FBN2: variants seen among roughly 807,000 people sequenced by gnomAD.
FBN2 encodes fibrillin-2.
FBN2 carries 105 observed loss-of-function variants against 355.6 expected under a neutral mutation model. That is an observed-to-expected ratio of 0.30 (90% CI 0.25 to 0.35). The LOEUF is 0.35. Ranked by LOEUF, FBN2 falls within the 10% of genes least tolerant of loss-of-function variation. The pLI, the probability that FBN2 is intolerant of heterozygous loss-of-function variation, is 1.00. For synonymous variants in FBN2, 1,350 were observed against 1,301.2 expected, an observed-to-expected ratio of 1.04 and a Z score of -0.81; for missense variants, 3,280 against 3,758.7, an observed-to-expected ratio of 0.87 and a Z score of 3.33.
chr5:128,385,415 T>C (rs566817580), intron 11 of FBN2, among the ~76,000 whole-genome samples: 1 of 152,316 alleles, frequency 6.6e-6, no homozygotes, highest in East Asian at 1.9e-4. Context: ...CTACATAGTA[T>C]TCCATGGTGT....
chr5:128,391,632 A>T (rs1246787578), intron 11 of FBN2, among the ~76,000 whole-genome samples: 2 of 152,204 alleles, frequency 1.3e-5, no homozygotes, highest in East Asian at 3.8e-4. Context: ...GCCCTGACAT[A>T]TCAGATTTTA....
chr5:128,535,558 C>G (rs754015206), intron 2 of FBN2, among the ~76,000 whole-genome samples: 2 of 152,164 alleles, frequency 1.3e-5, no homozygotes, highest in Non-Finnish European at 2.9e-5. Flanking sequence ...GAAGGCCAGT[C>G]ACACTGCAAG....
At chr5:128,295,469 C>G (rs1749477924) in intron 48 of FBN2, among the ~76,000 whole-genome samples, 1 of 150,420 alleles carries the variant, frequency 6.6e-6, no homozygotes, top group Admixed American at 6.6e-5. Flanking sequence ...TACCCATGAG[C>G]ATGGAATGTT....
chr5:128,336,638 G>C (rs1291400027), intron 27 of FBN2, among the ~76,000 whole-genome samples: 2 of 152,154 alleles, frequency 1.3e-5, no homozygotes, highest in Non-Finnish European at 2.9e-5. Context: ...TGACAATAGG[G>C]CCCTCATGTA....
chr5:128,443,092 C>T (rs1753966413), intron 7 of FBN2, among the ~76,000 whole-genome samples: 1 of 152,180 alleles, frequency 6.6e-6, no homozygotes, highest in Non-Finnish European at 1.5e-5. Context: ...GAAGACATTT[C>T]TTTCTTTTAG....
At chr5:128,433,724 G>A (rs3828662) in intron 7 of FBN2, among the ~76,000 whole-genome samples, 7,244 of 152,202 alleles carry the variant, frequency 0.048, 251 homozygotes, top group South Asian at 0.16. Flanking sequence ...TTCCTCTGCC[G>A]TTCACCAAAA....
chr5:128,348,280 A>AT (rs770596436), intron 23 of FBN2, among the ~76,000 whole-genome samples: 16 of 151,976 alleles, frequency 1.1e-4, no homozygotes, highest in Non-Finnish European at 2.4e-4. Flanking sequence ...ATATTTTGTC[A>AT]TTTTCAAATG....
At chr5:128,313,870 A>AC (rs897078349) in intron 36 of FBN2, among the ~76,000 whole-genome samples, 4 of 151,282 alleles carry the variant, frequency 2.6e-5, no homozygotes, top group Non-Finnish European at 4.4e-5. Context: ...AAAAAAAAAA[A>AC]AAAAAACATA....
At chr5:128,337,120 A>G (rs1750861392) in intron 27 of FBN2, among the ~76,000 whole-genome samples, 1 of 152,180 alleles carries the variant, frequency 6.6e-6, no homozygotes, top group African/African-American at 2.4e-5. Context: ...TTCTGCAATT[A>G]TTAGTGTGAA....
chr5:128,503,452 G>A (rs1755869584), intron 5 of FBN2, among the ~76,000 whole-genome samples: 1 of 152,170 alleles, frequency 6.6e-6, no homozygotes, highest in South Asian at 2.1e-4. Context: ...AAGACAGGAA[G>A]ATGTGGGAAA....
intron 8 of FBN2, among the ~76,000 whole-genome samples, chr5:128,396,453 G>T (rs1752652921): frequency 6.6e-6 from 1 of 152,140 alleles, no homozygotes; most frequent in African/African-American, 2.4e-5. Context: ...GGCAAAATAA[G>T]GTGACCACTC....
chr5:128,324,648 G>A (rs1450711601), intron 34 of FBN2, among the ~76,000 whole-genome samples: 11 of 146,808 alleles, frequency 7.5e-5, no homozygotes, highest in African/African-American at 1.8e-4. Context: ...ATGGAGTCTC[G>A]CTCTGTTGAC....
chr5:128,384,119 G>T (rs1752307703), intron 11 of FBN2, among the ~76,000 whole-genome samples: 1 of 152,028 alleles, frequency 6.6e-6, no homozygotes, highest in South Asian at 2.1e-4. Context: ...AGAAATAAAT[G>T]ATTTTTCCCA....
At chr5:128,372,683 G>T (rs1751973088) in intron 15 of FBN2, among the ~76,000 whole-genome samples, 1 of 152,078 alleles carries the variant, frequency 6.6e-6, no homozygotes, top group Non-Finnish European at 1.5e-5. Context: ...GCAGACACAG[G>T]ATTTCACCAT....
At chr5:128,438,634 G>T (rs1318925763) in intron 7 of FBN2, among the ~76,000 whole-genome samples, 1 of 152,102 alleles carries the variant, frequency 6.6e-6, no homozygotes, top group Non-Finnish European at 1.5e-5. Flanking sequence ...CTACTGTTCT[G>T]GGGGATAAAG....
At chr5:128,301,867 G>A (rs1749729208) in intron 46 of FBN2, among the ~76,000 whole-genome samples, 1 of 152,048 alleles carries the variant, frequency 6.6e-6, no homozygotes, top group Non-Finnish European at 1.5e-5. Flanking sequence ...TAATCTGATT[G>A]CCTAATTTGC....
At chr5:128,407,462 C>T (rs1343830597) in intron 8 of FBN2, among the ~76,000 whole-genome samples, 1 of 152,006 alleles carries the variant, frequency 6.6e-6, no homozygotes, top group Non-Finnish European at 1.5e-5. Flanking sequence ...GGTAGCTTGC[C>T]TGACTCCTCA....
At chr5:128,378,982 G>C (rs1752158898) in intron 11 of FBN2, 92 bp from the exon 12 acceptor site, 1 of 1,397,382 alleles carries the variant, frequency 7.2e-7, no homozygotes, top group Admixed American at 1.7e-5. Flanking sequence ...TTTGAGAGAA[G>C]GCCAGTCAGT....
chr5:128,524,847 T>A (rs1756522639), intron 4 of FBN2, among the ~76,000 whole-genome samples: 1 of 152,188 alleles, frequency 6.6e-6, no homozygotes, highest in Admixed American at 6.6e-5. Context: ...GAAGATGTCA[T>A]CCCATGAGAA....
Sources: allele counts gnomAD v4.1 joint callset (sites outside exome capture counted in the v4.1 genomes callset), GRCh38; gene constraint gnomAD v4.1.1; transcripts MANE v1.5; gene names NCBI Gene and HGNC (gene_info 2026-07-23, HGNC 2026-07-21).